TYW1B: variants seen among roughly 807,000 people sequenced by gnomAD.
The protein encoded by TYW1B is S-adenosyl-L-methionine-dependent tRNA 4-demethylwyosine synthase TYW1B.
TYW1B carries 73 observed loss-of-function variants against 86.9 expected under a neutral mutation model. The ratio of observed to expected loss-of-function variants is 0.84; its 90% CI spans 0.70 to 1.02. TYW1B has a LOEUF of 1.02. Among genes scored for constraint, TYW1B ranks in the 50% least tolerant of loss-of-function variants. TYW1B has a pLI of 0.00. For missense variants in TYW1B, 637 were observed against 827.4 expected (o/e 0.77, Z 2.82); for synonymous variants, 248 against 292.8 (o/e 0.85, Z 1.56).
chr7:72,650,778 A>C (rs782135638), intron 11 of TYW1B, among the ~76,000 whole-genome samples: 15 of 152,204 alleles, frequency 9.9e-5, no homozygotes, highest in Admixed American at 5.9e-4. Flanking sequence ...TGGTAATCTA[A>C]CATTTCAGAA....
chr7:72,597,780 TGATTCAAG>T (rs1811572350), intron 13 of TYW1B, among the ~76,000 whole-genome samples: 1 of 152,046 alleles, frequency 6.6e-6, no homozygotes, highest in Non-Finnish European at 1.5e-5. Context: ...TTACAAAAAA[TGATTCAAG>T]GAGAAAAACT....
At chr7:72,768,391 A>G (rs1180179371) in intron 7 of TYW1B, among the ~76,000 whole-genome samples, 2 of 152,200 alleles carry the variant, frequency 1.3e-5, no homozygotes, top group Admixed American at 6.6e-5. Flanking sequence ...GTTTGGGGAC[A>G]ATATGTTTAT....
chr7:72,704,525 G>C (rs537862514), intron 10 of TYW1B, among the ~76,000 whole-genome samples: 165 of 149,568 alleles, frequency 1.1e-3, no homozygotes, highest in South Asian at 2.5e-3. Flanking sequence ...AGGGTGGGAG[G>C]ATCACTTGAG....
chr7:72,760,116 A>G (rs1787662630), intron 7 of TYW1B, among the ~76,000 whole-genome samples: 1 of 152,178 alleles, frequency 6.6e-6, no homozygotes, highest in Admixed American at 6.5e-5. Context: ...AATTAAGCAA[A>G]CCAGACAGGC....
At chr7:72,612,354 T>C (rs1811953853) in intron 13 of TYW1B, among the ~76,000 whole-genome samples, 3 of 152,180 alleles carry the variant, frequency 2.0e-5, no homozygotes, top group South Asian at 2.1e-4. Context: ...GGGAGGGCTT[T>C]TGTTTACAAT....
chr7:72,726,163 T>C (rs2093795122), intron 9 of TYW1B, among the ~76,000 whole-genome samples: 3 of 152,226 alleles, frequency 2.0e-5, no homozygotes, highest in Admixed American at 6.5e-5. Context: ...TATCCAAGTA[T>C]AAGAATGTAA....
At chr7:72,732,315 A>C (rs1245041043) in intron 8 of TYW1B, among the ~76,000 whole-genome samples, 1 of 152,182 alleles carries the variant, frequency 6.6e-6, no homozygotes, top group Non-Finnish European at 1.5e-5. Context: ...TTCATACTAC[A>C]CCTGCAGAAT....
At chr7:72,622,748 A>C (rs1232919900) in intron 12 of TYW1B, among the ~76,000 whole-genome samples, 2 of 151,550 alleles carry the variant, frequency 1.3e-5, no homozygotes, top group Admixed American at 6.6e-5. Context: ...TACAACACAC[A>C]CAAGTGCACA....
rs1554463311 is a variant in TYW1B at position 72,744,720 on chromosome 7, A to G, written c.965-119T>C. On this transcript the variant is annotated intron_variant, in intron 7 of 13. Transcript: ENST00000620995. ...CGTAACCATGAATACTCCTACTAGT[A>G]TCTGCATGACGCAGGAAATTCGCAT... 5.0e-6 allele frequency: 6 copies of G among 1,193,166 alleles called. No individual in the cohort carries two copies. In the Admixed American group the frequency reaches 1.1e-4, roughly 22 times the overall value. The allele number at this position is 1,193,166 out of a possible 1,614,324, so 73.9% of individuals were successfully genotyped here.
At chr7:72,585,002 A>T (rs1175072292) in intron 13 of TYW1B, among the ~76,000 whole-genome samples, 1 of 152,240 alleles carries the variant, frequency 6.6e-6, no homozygotes, top group Non-Finnish European at 1.5e-5. Flanking sequence ...AAAAAAATAA[A>T]ACTGCCACAG....
At chr7:72,654,013 G>A (rs1813139218) in intron 11 of TYW1B, among the ~76,000 whole-genome samples, 1 of 151,216 alleles carries the variant, frequency 6.6e-6, no homozygotes, top group Admixed American at 6.6e-5. Context: ...CCAGGAGGCG[G>A]AGGCTGCAGT....
At chr7:72,785,348 ATATT>A (rs1788109529) in intron 6 of TYW1B, among the ~76,000 whole-genome samples, 4 of 147,602 alleles carry the variant, frequency 2.7e-5, no homozygotes, top group South Asian at 2.1e-4. Context: ...CTAATTATAT[ATATT>A]AATATATAAT....
Position 72,757,370 on chromosome 7 carries a change from G to GAA in TYW1B, c.965-12771_965-12770dup, listed in dbSNP as rs35310114. Among the ~76,000 whole-genome samples the GAA allele has an allele frequency of 8.8e-3, 1,137 of 129,672 alleles. 14 individuals carry two copies. The highest frequency in any genetic ancestry group is 0.011 in the Non-Finnish European group (670 of 63,200). 85.1% of individuals were successfully genotyped at this position (129,672 alleles called of 152,430 possible). On this transcript the variant is annotated intron_variant, in intron 7 of 13. Coordinates refer to ENST00000620995, the MANE Select transcript of TYW1B (RefSeq NM_001145440.3). ...GTGACAGAGCGAGACTCCGTCTATGGAAAAAAAAAAAAAAAACCAGAAATG... is the reference window on the plus strand; with the variant it reads ...GTGACAGAGCGAGACTCCGTCTATGGAAAAAAAAAAAAAAAAAACCAGAAATG...
At chr7:72,801,411 T>C (rs1179788852) in intron 6 of TYW1B, among the ~76,000 whole-genome samples, 1 of 152,354 alleles carries the variant, frequency 6.6e-6, no homozygotes, top group Non-Finnish European at 1.5e-5. Flanking sequence ...TCTTTTACTA[T>C]AGCTTCTAAC....
chr7:72,755,887 C>T (rs1240741794), intron 7 of TYW1B, among the ~76,000 whole-genome samples: 1 of 152,116 alleles, frequency 6.6e-6, no homozygotes, highest in Non-Finnish European at 1.5e-5. Flanking sequence ...TTAGGAAGGA[C>T]CACCAAGGTA....
At chr7:72,766,004 A>G (rs1787762480) in intron 7 of TYW1B, among the ~76,000 whole-genome samples, 1 of 152,180 alleles carries the variant, frequency 6.6e-6, no homozygotes, top group Non-Finnish European at 1.5e-5. Flanking sequence ...TGTAATTGAA[A>G]TTTTACAATC....
chr7:72,671,079 A>G (rs2129569702), intron 11 of TYW1B, among the ~76,000 whole-genome samples: 1 of 152,290 alleles, frequency 6.6e-6, no homozygotes, highest in East Asian at 1.9e-4. Context: ...CCAGTGACTA[A>G]GGCCAACAAG....
At chr7:72,729,440 T>C (rs1787064857) in intron 8 of TYW1B, among the ~76,000 whole-genome samples, 1 of 152,052 alleles carries the variant, frequency 6.6e-6, no homozygotes, top group Admixed American at 6.6e-5. Context: ...CCAAAACCAC[T>C]GCTAGAGTGT....
In TYW1B at chr7:72,578,768, A is replaced by G. The variant is rs533784433; in HGVS notation, c.1786-3049T>C. Among the ~76,000 whole-genome samples the G allele has an allele frequency of 7.9e-5, 12 of 152,342 alleles. No individual in the cohort carries two copies. The South Asian group carries it at 1.9e-3, about 24-fold the overall frequency. On this transcript the variant is annotated intron_variant, in intron 13 of 13. Transcript: ENST00000620995. ...GTGTATAGTGGGTGAGGTTATGTACAAGGCACTTGGGGAGTACAGGGACAG... is the reference window on the plus strand; with the variant it reads ...GTGTATAGTGGGTGAGGTTATGTACGAGGCACTTGGGGAGTACAGGGACAG...
Sources: gnomAD v4.1 joint callset for allele counts (sites outside exome capture counted in the v4.1 genomes callset) on GRCh38, gnomAD v4.1.1 for gene constraint, MANE v1.5 for transcripts, NCBI Gene and HGNC (gene_info 2026-07-23, HGNC 2026-07-21) for gene names.